GRM8: variants seen among roughly 807,000 people sequenced by gnomAD.
GRM8 encodes metabotropic glutamate receptor 8.
Under a neutral mutation model 87.2 loss-of-function variants are expected in GRM8, and 47 were observed. The observed-to-expected ratio is 0.54, with a 90% confidence interval of 0.43 to 0.69. The LOEUF (loss-of-function observed/expected upper bound fraction) is 0.69. Ranked by LOEUF, GRM8 falls within the 30% of genes least tolerant of loss-of-function variation. GRM8 has a pLI of 0.00. For synonymous variants in GRM8, 396 were observed against 404.5 expected (o/e 0.98, Z 0.25); for missense variants, 1,019 against 1,139.2 (o/e 0.89, Z 1.52).
At chr7:127,172,761 A>G (rs139705360) in intron 2 of GRM8, among the ~76,000 whole-genome samples, 3 of 152,052 alleles carry the variant, frequency 2.0e-5, no homozygotes, top group Non-Finnish European at 4.4e-5. Context: ...ATTATTATGC[A>G]TATTATATAT....
At chr7:127,064,198 G>A (rs529518275) in intron 3 of GRM8, among the ~76,000 whole-genome samples, 2 of 152,240 alleles carry the variant, frequency 1.3e-5, no homozygotes, top group African/African-American at 4.8e-5. Context: ...CTGCCTTGAT[G>A]AACTCTCTAA....
chr7:126,770,815 T>C (rs1414975145), intron 6 of GRM8, among the ~76,000 whole-genome samples: 1 of 152,054 alleles, frequency 6.6e-6, no homozygotes, highest in Non-Finnish European at 1.5e-5. Context: ...GATCCAACAT[T>C]ATCATTTTGA....
intron 7 of GRM8, among the ~76,000 whole-genome samples, chr7:126,704,034 A>G (rs1332560956): frequency 1.3e-5 from 2 of 152,168 alleles, no homozygotes; most frequent in Non-Finnish European, 2.9e-5. Flanking sequence ...TGATTAAGTC[A>G]GACTGTCAGG....
intron 8 of GRM8, among the ~76,000 whole-genome samples, chr7:126,606,444 T>A (rs1798354686): frequency 1.3e-5 from 2 of 152,200 alleles, no homozygotes; most frequent in Admixed American, 1.3e-4. Context: ...ACTGTTTTCA[T>A]TTTAGACATG....
At chr7:126,501,471 T>C (rs1020928521) in intron 9 of GRM8, among the ~76,000 whole-genome samples, 3 of 151,870 alleles carry the variant, frequency 2.0e-5, no homozygotes, top group African/African-American at 4.8e-5. Flanking sequence ...TGGTTAACCA[T>C]GTGAAGCCTT....
At chr7:126,850,856 C>T (rs1393433767) in intron 6 of GRM8, among the ~76,000 whole-genome samples, 1 of 152,112 alleles carries the variant, frequency 6.6e-6, no homozygotes, top group Non-Finnish European at 1.5e-5. Context: ...CAGGGGAACA[C>T]CAGGGCTTAG....
chr7:126,720,294 A>G (rs927940703), intron 7 of GRM8, among the ~76,000 whole-genome samples: 5 of 151,900 alleles, frequency 3.3e-5, no homozygotes, highest in Non-Finnish European at 7.4e-5. Flanking sequence ...GGCATGTGCC[A>G]CCAAACCTGG....
At chr7:126,634,717 C>T (rs1177277856) in intron 7 of GRM8, among the ~76,000 whole-genome samples, 1 of 152,010 alleles carries the variant, frequency 6.6e-6, no homozygotes, top group African/African-American at 2.4e-5. Flanking sequence ...ATCATCTCCA[C>T]TGAAATGATT....
intron 7 of GRM8, among the ~76,000 whole-genome samples, chr7:126,615,548 C>A (rs1799394157): frequency 6.6e-6 from 1 of 152,094 alleles, no homozygotes; most frequent in East Asian, 1.9e-4. Flanking sequence ...TATAAATGGG[C>A]TAAATGCTCC....
rs549543056 is a variant in GRM8, at chr7:126,749,792, C to T, written c.1357+20073G>A. On this transcript the variant is annotated intron_variant, in intron 7 of 10. Transcript: ENST00000339582. ...AGAGCCACAGTGAGTAATGACTATA[C>T]ACTCACGAAAATAGCTAAAATTAAA... is the stretch of plus-strand genomic sequence containing the variant. Among the ~76,000 whole-genome samples the T allele has an allele frequency of 2.2e-4, 34 of 152,102 alleles. No individual in the cohort carries two copies. The South Asian group carries it at 6.6e-3, about 30-fold the overall frequency.
chr7:127,069,973 T>A (rs1408147042), intron 3 of GRM8, among the ~76,000 whole-genome samples: 1 of 152,228 alleles, frequency 6.6e-6, no homozygotes, highest in African/African-American at 2.4e-5. Context: ...TCCCTGCCAA[T>A]ATCCTATCTG....
At chr7:126,650,573 G>A (rs756222854) in intron 7 of GRM8, among the ~76,000 whole-genome samples, 10 of 152,154 alleles carry the variant, frequency 6.6e-5, no homozygotes, top group African/African-American at 1.9e-4. Context: ...TTGATGGGCT[G>A]TAGCCAGTGG....
At chr7:126,661,170 G>T (rs932258389) in intron 7 of GRM8, among the ~76,000 whole-genome samples, 1 of 152,076 alleles carries the variant, frequency 6.6e-6, no homozygotes, top group Non-Finnish European at 1.5e-5. Context: ...GAGTGTAATC[G>T]GATTGTTTGT....
chr7:127,081,615 C>T (rs1249204786), intron 3 of GRM8, among the ~76,000 whole-genome samples: 3 of 151,970 alleles, frequency 2.0e-5, no homozygotes, highest in Non-Finnish European at 4.4e-5. Flanking sequence ...TGTGCCTGGG[C>T]CAGAAGGGGA....
At chr7:126,890,770 C>T (rs1800922532) in intron 6 of GRM8, among the ~76,000 whole-genome samples, 2 of 151,988 alleles carry the variant, frequency 1.3e-5, no homozygotes, top group South Asian at 4.2e-4. Flanking sequence ...GCCAGAGGGG[C>T]TCCACTTATG....
At chr7:127,115,178 A>G (rs146197518) in intron 2 of GRM8, among the ~76,000 whole-genome samples, 307 of 152,260 alleles carry the variant, frequency 2.0e-3, no homozygotes, top group African/African-American at 6.9e-3. Context: ...GCCAGAGAGC[A>G]AGAGAACTTG....
chr7:127,170,683 A>G (rs1793743314), intron 2 of GRM8, among the ~76,000 whole-genome samples: 1 of 152,236 alleles, frequency 6.6e-6, no homozygotes, highest in Non-Finnish European at 1.5e-5. Flanking sequence ...AAATAATGGC[A>G]TTTGGACCAA....
Position 127,203,008 on chromosome 7 carries a change from T to G in GRM8, c.510+39687A>C, listed in dbSNP as rs551027756. Among the ~76,000 whole-genome samples, 4 of 152,320 alleles carry G rather than the reference T, an allele frequency of 2.6e-5. No individual in the cohort carries two copies. The South Asian group carries it at 8.3e-4, about 32-fold the overall frequency. On this transcript the variant is annotated intron_variant, in intron 2 of 10. Transcript: ENST00000339582. ...CTCACATTTAATTAGAAGACAGACC[T>G]AAGACTTGTCTTTGAGGCCAAATGC...
At chr7:126,557,578 T>C (rs1000291635) in intron 8 of GRM8, among the ~76,000 whole-genome samples, 8 of 152,172 alleles carry the variant, frequency 5.3e-5, no homozygotes, top group African/African-American at 1.4e-4. Context: ...CTTCCTATTA[T>C]AAAATTCACT....
Sources: allele counts gnomAD v4.1 joint callset (sites outside exome capture counted in the v4.1 genomes callset), GRCh38; gene constraint gnomAD v4.1.1; transcripts MANE v1.5; gene names NCBI Gene and HGNC (gene_info 2026-07-23, HGNC 2026-07-21).